The following TMLHE variants were observed in gnomAD, a reference collection of about 807,000 sequenced individuals.
TMLHE encodes trimethyllysine dioxygenase, mitochondrial.
TMLHE carries 18 observed loss-of-function variants against 25.7 expected under a neutral mutation model. The observed-to-expected ratio is 0.70, with a 90% CI of 0.48 to 1.04. TMLHE has a LOEUF of 1.04. TMLHE is among the 50% of genes least tolerant of loss of function. The probability of loss-of-function intolerance (pLI) is 0.00; values close to 1 mark genes in which losing one functional copy is unlikely to be tolerated. For synonymous variants in TMLHE, 105 were observed against 97.0 expected, an observed-to-expected ratio of 1.08 and a Z score of -0.49; for missense variants, 236 against 259.0, an observed-to-expected ratio of 0.91 and a Z score of 0.61.
chrX:155,593,744 C>T (rs1004376462), intron 1 of TMLHE, among the ~76,000 whole-genome samples: 3 of 109,541 alleles, frequency 2.7e-5, no homozygotes, highest in Non-Finnish European at 3.8e-5. Context: ...GAAATAGAAA[C>T]AATTTTTTAA....
rs1412006136 is a variant in TMLHE at position 155,584,720 on chromosome X, T to A, written c.-2+28072A>T. Among the ~76,000 whole-genome samples, 5 of 109,263 alleles carry A rather than the reference T, an allele frequency of 4.6e-5. No homozygotes were observed. In the Admixed American group the frequency reaches 4.9e-4, roughly 11 times the overall value. The allele number at this position is 109,263 out of a possible 115,157, so 94.9% of individuals were successfully genotyped here. On this transcript the variant is annotated intron_variant, in intron 1 of 7. Coordinates refer to ENST00000334398, the MANE Select transcript of TMLHE (RefSeq NM_018196.4). Reference sequence around the variant, plus strand: ...AAAGAATGAGATGATGTATTCAATGTCCTGAAAGAAAAAAAAACTGCCAGC... The same window carrying A: ...AAAGAATGAGATGATGTATTCAATGACCTGAAAGAAAAAAAAACTGCCAGC...
chrX:155,571,196 C>T (rs185860931), intron 1 of TMLHE, among the ~76,000 whole-genome samples: 900 of 57,282 alleles, frequency 0.016, 167 homozygotes, highest in African/African-American at 0.036. Context: ...TCAGAGAATA[C>T]TACAAACACC....
chrX:155,529,824 C>A (rs782794827), intron 2 of TMLHE, among the ~76,000 whole-genome samples: 16 of 111,722 alleles, frequency 1.4e-4, no homozygotes, highest in Non-Finnish European at 2.8e-4. Context: ...TGACTGTTTC[C>A]TTTGCTGTGC....
chrX:155,550,705 G>C (rs1236694230), intron 1 of TMLHE, among the ~76,000 whole-genome samples: 1 of 110,795 alleles, frequency 9.0e-6, no homozygotes, highest in Non-Finnish European at 1.9e-5. Flanking sequence ...TGAGACTTCA[G>C]ACAAGTGGTT....
intron 1 of TMLHE, among the ~76,000 whole-genome samples, chrX:155,605,798 G>A (rs142383135): frequency 0.011 from 1,172 of 111,511 alleles, 3 homozygotes; most frequent in African/African-American, 0.015. Context: ...GGTATCCAAC[G>A]GCAAATTGGA....
At chrX:155,581,302 T>G (rs1044805098) in intron 1 of TMLHE, among the ~76,000 whole-genome samples, 4 of 111,466 alleles carry the variant, frequency 3.6e-5, no homozygotes, top group African/African-American at 1.3e-4. Flanking sequence ...CTATTCAACA[T>G]AGTGTTGGAA....
chrX:155,556,006 C>G (rs192980016), intron 1 of TMLHE, among the ~76,000 whole-genome samples: 2 of 110,393 alleles, frequency 1.8e-5, no homozygotes, highest in East Asian at 5.6e-4. Flanking sequence ...GGTTTTAGGT[C>G]TAACATTTAA....
At chrX:155,548,530 ATGAGGCCAGCCTGACTAAC>A (rs2067377666) in intron 1 of TMLHE, among the ~76,000 whole-genome samples, 1 of 107,998 alleles carries the variant, frequency 9.3e-6, no homozygotes, top group Non-Finnish European at 1.9e-5. Context: ...GGTCAGCAGT[ATGAGGCCAGCCTGACTAAC>A]ATGGTGAAAC....
intron 3 of TMLHE, among the ~76,000 whole-genome samples, chrX:155,523,079 C>G (rs972575560): frequency 1.8e-5 from 2 of 111,471 alleles, no homozygotes; most frequent in African/African-American, 6.5e-5. Context: ...CATTGTGATA[C>G]TAACTTTCAT....
chrX:155,602,553 G>A (rs1379668457), intron 1 of TMLHE, among the ~76,000 whole-genome samples: 1 of 111,139 alleles, frequency 9.0e-6, no homozygotes, highest in Admixed American at 9.6e-5. Context: ...TGCTAGCCAG[G>A]GGAATTAGGC....
At chrX:155,538,919 G>T (rs2067295616) in intron 2 of TMLHE, among the ~76,000 whole-genome samples, 1 of 110,973 alleles carries the variant, frequency 9.0e-6, no homozygotes, top group South Asian at 3.8e-4. Context: ...AGTGCCATCA[G>T]CAAGATGGCA....
chrX:155,602,381 C>T (rs372356187), intron 1 of TMLHE, among the ~76,000 whole-genome samples: 2 of 111,450 alleles, frequency 1.8e-5, no homozygotes, highest in South Asian at 3.7e-4. Context: ...AACATAAAAA[C>T]TTAACCAATT....
chrX:155,516,010 CTTCTT>C (rs1185206906), intron 3 of TMLHE, among the ~76,000 whole-genome samples: 6 of 67,000 alleles, frequency 9.0e-5, no homozygotes, highest in African/African-American at 1.1e-4. Context: ...TTGTACTTTT[CTTCTT>C]TTTTTTTTTT....
In TMLHE at chrX:155,524,460, GA is replaced by G; in HGVS notation, c.353del (p.Phe118SerfsTer8). ...TCAAGTCTCCTGTCCACTCACAAGT[GA>G]AAAAGAGTGTGGTCTCATCCAGACG... ...TIRLDETTLF[F>X]TWPDGHVTKY... On this transcript the variant is annotated frameshift_variant, in exon 3 of 8. Transcript: ENST00000334398. LOFTEE classifies it high-confidence loss of function. 1 of 1,165,549 alleles carries G rather than the reference GA, an allele frequency of 8.6e-7. No homozygotes were observed. Among genetic ancestry groups the G allele is most frequent in the Non-Finnish European group, 1.1e-6 (1 of 870,532 alleles).
At chrX:155,548,601 G>A (rs187632888) in intron 1 of TMLHE, among the ~76,000 whole-genome samples, 1 of 108,645 alleles carries the variant, frequency 9.2e-6, no homozygotes, top group African/African-American at 3.4e-5. Flanking sequence ...CGGGTGTGGT[G>A]GCACACACCT....
rs782292076 is a variant in TMLHE, at chrX:155,548,714, G to A, written c.-1-3437C>T. On this transcript the variant is annotated intron_variant, in intron 1 of 7. Coordinates refer to ENST00000334398, the MANE Select transcript of TMLHE (RefSeq NM_018196.4). ...TGTGCCACTGCACTCCAGCCTGGGCGACAGAGTGAGACTCTGTCTCAAAAA... is the reference window on the plus strand; with the variant it reads ...TGTGCCACTGCACTCCAGCCTGGGCAACAGAGTGAGACTCTGTCTCAAAAA... Among the ~76,000 whole-genome samples, 20 of 104,712 alleles carry A rather than the reference G, an allele frequency of 1.9e-4. 2 individuals are homozygous for A. The highest frequency in any genetic ancestry group is 8.6e-4 in the South Asian group (2 of 2,339). 90.9% of individuals were successfully genotyped at this position (104,712 alleles called of 115,157 possible).
At chrX:155,532,417 A>C (rs1248934636) in intron 2 of TMLHE, among the ~76,000 whole-genome samples, 1 of 111,949 alleles carries the variant, frequency 8.9e-6, no homozygotes, top group Non-Finnish European at 1.9e-5. Flanking sequence ...ACCTCCATGT[A>C]CCTATATTAT....
intron 2 of TMLHE, among the ~76,000 whole-genome samples, chrX:155,544,023 A>G (rs1395564906): frequency 4.5e-5 from 5 of 111,624 alleles, no homozygotes; most frequent in African/African-American, 1.6e-4. Context: ...CAGCTCTTCC[A>G]GCTGTAATCC....
intron 1 of TMLHE, among the ~76,000 whole-genome samples, chrX:155,548,721 TGA>T (rs1204753851): frequency 5.9e-5 from 6 of 101,571 alleles, no homozygotes; most frequent in Non-Finnish European, 1.2e-4. Flanking sequence ...GGCGACAGAG[TGA>T]GACTCTGTCT....
Sources: gnomAD v4.1 joint callset for allele counts (sites outside exome capture counted in the v4.1 genomes callset) on GRCh38, gnomAD v4.1.1 for gene constraint, MANE v1.5 for transcripts, NCBI Gene and HGNC (gene_info 2026-07-23, HGNC 2026-07-21) for gene names.